The following HADHB variants were observed in gnomAD, a reference collection of about 807,000 sequenced individuals.
The protein encoded by HADHB is hydroxyacyl-CoA dehydrogenase trifunctional multienzyme complex subunit beta.
A neutral mutation model predicts 61.9 loss-of-function variants in HADHB; 50 were observed. That is an observed-to-expected ratio of 0.81 (90% CI 0.64 to 1.02). HADHB has a LOEUF of 1.02. HADHB is among the 50% of genes least tolerant of loss of function. The pLI, the probability that HADHB is intolerant of heterozygous loss-of-function variation, is 0.00. For missense variants in HADHB, 504 were observed against 586.5 expected, an observed-to-expected ratio of 0.86 and a Z score of 1.45; for synonymous variants, 191 against 201.6, an observed-to-expected ratio of 0.95 and a Z score of 0.45.
At chr2:26,285,739 G>GTTTTTTTTTTTTTTTTTGTTTTTTTT (rs1673003201) in intron 15 of HADHB, among the ~76,000 whole-genome samples, 168 bp downstream of exon 15, 1 of 65,082 alleles carries the variant, frequency 1.5e-5, no homozygotes, top group Admixed American at 1.9e-4. Flanking sequence ...TGTTTTTTGG[G>GTTTTTTTTTTTTTTTTTGTTTTTTTT]TTTTTTTTTT....
chr2:26,247,351 T>C (rs1038512619), intron 1 of HADHB, among the ~76,000 whole-genome samples: 1 of 152,220 alleles, frequency 6.6e-6, no homozygotes, highest in African/African-American at 2.4e-5. Context: ...ATTTGCTTAG[T>C]CCCTCTTACT....
At chr2:26,277,890 T>C (rs1484407088) in intron 7 of HADHB, among the ~76,000 whole-genome samples, 2 of 152,264 alleles carry the variant, frequency 1.3e-5, no homozygotes, top group African/African-American at 2.4e-5. Flanking sequence ...AAATCATTGC[T>C]TTAGATGGCA....
At chr2:26,282,458 C>T (rs950169955) in intron 10 of HADHB, among the ~76,000 whole-genome samples, 6 of 151,898 alleles carry the variant, frequency 4.0e-5, no homozygotes, top group Non-Finnish European at 5.9e-5. Flanking sequence ...GATGGGGTTT[C>T]ACCGCGTTAG....
intron 3 of HADHB, among the ~76,000 whole-genome samples, chr2:26,262,315 A>G (rs953022609): frequency 3.9e-5 from 6 of 152,226 alleles, no homozygotes; most frequent in African/African-American, 1.4e-4. Context: ...AGATTTTGAT[A>G]TACTAACATG....
intron 3 of HADHB, among the ~76,000 whole-genome samples, chr2:26,261,789 A>G (rs551785779): frequency 1.5e-4 from 23 of 152,060 alleles, no homozygotes; most frequent in Non-Finnish European, 3.2e-4. Context: ...AAAAAAAATT[A>G]AGTCCCCTTT....
rs528086941 is a variant in HADHB, at chr2:26,250,887, A to G, written c.-8-3360A>G. Among the ~76,000 whole-genome samples the G allele has an allele frequency of 6.6e-5, 10 of 151,346 alleles. No homozygotes were observed. The South Asian group carries it at 1.0e-3, about 16-fold the overall frequency. The stretch of plus-strand genomic sequence containing the variant: ...TCCGATGTTTTCCTCTAGTACTTTT[A>G]TAGTTAGAATATATATATTTAAAAT... On this transcript the variant is annotated intron_variant, in intron 1 of 15. Transcript: ENST00000317799.
chr2:26,261,031 T>C, intron 3 of HADHB: 1 of 1,521,262 alleles, frequency 6.6e-7, no homozygotes, highest in South Asian at 1.2e-5. Flanking sequence ...ATGACACTGG[T>C]TTCTGGTTGG....
intron 5 of HADHB, among the ~76,000 whole-genome samples, chr2:26,273,353 A>G (rs973739067): frequency 1.2e-4 from 18 of 152,146 alleles, no homozygotes; most frequent in African/African-American, 4.3e-4. Context: ...GGTTTCTACT[A>G]ACATTAATTA....
At chr2:26,259,627 C>T (rs1253836454) in intron 3 of HADHB, among the ~76,000 whole-genome samples, 1 of 152,208 alleles carries the variant, frequency 6.6e-6, no homozygotes, top group Admixed American at 6.5e-5. Flanking sequence ...ATAGTTTCTC[C>T]CACCACTCCG....
intron 3 of HADHB, 99 bp downstream of exon 3, chr2:26,254,573 T>C: frequency 1.2e-6 from 1 of 810,896 alleles, no homozygotes; most frequent in Non-Finnish European, 2.2e-6. Flanking sequence ...AATTTGCTAA[T>C]TCTCCCCTTT....
At chr2:26,276,403 T>A (rs1446443663) in intron 6 of HADHB, among the ~76,000 whole-genome samples, 1 of 152,240 alleles carries the variant, frequency 6.6e-6, no homozygotes, top group Admixed American at 6.5e-5. Context: ...GTTTCTTTCA[T>A]TGAGTTGAGC....
At chr2:26,254,209 A>G (rs1671518968) in intron 1 of HADHB, 38 bp from the exon 2 acceptor site, 2 of 922,860 alleles carry the variant, frequency 2.2e-6, no homozygotes, top group Non-Finnish European at 3.6e-6. Context: ...CAAATTGTTC[A>G]GCTAATCCAG....
intron 14 of HADHB, among the ~76,000 whole-genome samples, 192 bp downstream of exon 14, chr2:26,285,149 G>C (rs1672974570): frequency 6.6e-6 from 1 of 152,002 alleles, no homozygotes; most frequent in African/African-American, 2.4e-5. Context: ...TTATTTCTTA[G>C]TTTAAAAATA....
chr2:26,248,909 TAGAC>T (rs1671272654), intron 1 of HADHB, among the ~76,000 whole-genome samples: 1 of 151,792 alleles, frequency 6.6e-6, no homozygotes, highest in Non-Finnish European at 1.5e-5. Flanking sequence ...ATACAAAAAT[TAGAC>T]AGGCGTGGTG....
intron 11 of HADHB, 23 bp from the exon 12 acceptor site, chr2:26,282,981 C>T (rs1672858226): frequency 6.2e-7 from 1 of 1,604,670 alleles, no homozygotes; most frequent in Non-Finnish European, 8.5e-7. Context: ...TACCAAAGCT[C>T]ACCTCTCTAT....
At chr2:26,282,687 A>T (rs1398908058) in intron 10 of HADHB, among the ~76,000 whole-genome samples, 158 bp from the exon 11 acceptor site, 1 of 152,254 alleles carries the variant, frequency 6.6e-6, no homozygotes, top group African/African-American at 2.4e-5. Context: ...TGTTTGAATT[A>T]TGATTTAATG....
At chr2:26,273,302 CTT>C (rs1672420830) in intron 5 of HADHB, among the ~76,000 whole-genome samples, 1 of 151,758 alleles carries the variant, frequency 6.6e-6, no homozygotes, top group South Asian at 2.1e-4. Flanking sequence ...TGCTTTATCT[CTT>C]TGATTGAATA....
rs1553319821 is a variant in HADHB, at chr2:26,264,625, A to ACG, written c.209+1146_209+1147insCG. The stretch of plus-strand genomic sequence containing the variant: ...GTGCAATGACTTATGAAAGATACAC[A>ACG]TGTGTGTGTGTATGTGTGTATACAC... On this transcript the variant is annotated intron_variant, in intron 4 of 15. Transcript: ENST00000317799. Among the ~76,000 whole-genome samples the ACG allele has an allele frequency of 2.7e-5, 4 of 150,504 alleles. No homozygotes were observed. In the South Asian group the frequency reaches 8.4e-4, roughly 32 times the overall value.
chr2:26,260,678 T>C (rs1671825519), intron 3 of HADHB: 3 of 276,278 alleles, frequency 1.1e-5, no homozygotes, highest in Non-Finnish European at 2.1e-5. Context: ...TAAGGGTTTT[T>C]TGGTGTAGTA....
Sources: allele counts gnomAD v4.1 joint callset (sites outside exome capture counted in the v4.1 genomes callset), GRCh38; gene constraint gnomAD v4.1.1; transcripts MANE v1.5; gene names NCBI Gene and HGNC (gene_info 2026-07-23, HGNC 2026-07-21).